The following FAAH2 variants were observed in gnomAD, a reference collection of about 807,000 sequenced individuals.
The protein encoded by FAAH2 is fatty-acid amide hydrolase 2.
Under a neutral mutation model 36.9 loss-of-function variants are expected in FAAH2, and 60 were observed. That is an observed-to-expected ratio of 1.63 (90% confidence interval 1.32 to 2.02). The LOEUF is 2.02. Among genes scored for constraint, FAAH2 ranks in the 30% most tolerant of loss-of-function variants. The pLI, the probability that FAAH2 is intolerant of heterozygous loss-of-function variation, is 0.00. For missense variants in FAAH2, 689 were observed against 397.5 expected (o/e 1.73, Z -6.23); for synonymous variants, 214 against 143.8 (o/e 1.49, Z -3.49).
chrX:57,174,600 A>G, the FAAH2 span, among the ~76,000 whole-genome samples: 2 of 110,410 alleles, frequency 1.8e-5, no homozygotes, highest in African/African-American at 6.6e-5. Flanking sequence ...TCTGATCTTC[A>G]TTTCCTTTCT....
the FAAH2 span, among the ~76,000 whole-genome samples, chrX:57,261,496 TG>T: frequency 1.1e-5 from 1 of 90,150 alleles, no homozygotes; most frequent in East Asian, 3.3e-4. Flanking sequence ...GAGGTTGCAG[TG>T]AGCAGAGACT....
At chrX:57,297,478 G>A (rs1382622191) in intron 2 of FAAH2, among the ~76,000 whole-genome samples, 3 of 104,755 alleles carry the variant, frequency 2.9e-5, no homozygotes, top group Admixed American at 1.1e-4. Flanking sequence ...AGGAACAACC[G>A]ATACCAGCCA....
At chrX:57,298,974 C>A (rs1246993316) in intron 2 of FAAH2, among the ~76,000 whole-genome samples, 1 of 111,159 alleles carries the variant, frequency 9.0e-6, no homozygotes, top group African/African-American at 3.3e-5. Context: ...AGCCTACCAA[C>A]CAAAAAAAGT....
At chrX:57,408,047 A>G (rs1336824818) in intron 7 of FAAH2, among the ~76,000 whole-genome samples, 6 of 111,264 alleles carry the variant, frequency 5.4e-5, no homozygotes, top group African/African-American at 2.0e-4. Flanking sequence ...TTTGATTACT[A>G]TAGCTTTGTA....
At chrX:57,278,515 C>T in the FAAH2 span, among the ~76,000 whole-genome samples, 81 of 111,400 alleles carry the variant, frequency 7.3e-4, no homozygotes, top group African/African-American at 2.6e-3. Flanking sequence ...AGGATAGAGA[C>T]ATGGGCAAGG....
chrX:57,230,175 C>T, the FAAH2 span, among the ~76,000 whole-genome samples: 2 of 112,169 alleles, frequency 1.8e-5, no homozygotes, highest in Non-Finnish European at 3.8e-5. Flanking sequence ...GGTATAACTT[C>T]TTTTCCACCC....
intron 8 of FAAH2, among the ~76,000 whole-genome samples, chrX:57,433,166 T>A (rs1166036179): frequency 1.8e-5 from 2 of 111,468 alleles, no homozygotes; most frequent in African/African-American, 6.5e-5. Context: ...TATTTTCAGT[T>A]CACTTCCAGA....
At chrX:57,387,208 A>G (rs200858973) in intron 7 of FAAH2, among the ~76,000 whole-genome samples, 1 of 111,854 alleles carries the variant, frequency 8.9e-6, no homozygotes, top group East Asian at 2.8e-4. Context: ...TCTCTTTAAA[A>G]TATAAAGTTA....
At chrX:57,192,434 C>T in the FAAH2 span, among the ~76,000 whole-genome samples, 1 of 110,793 alleles carries the variant, frequency 9.0e-6, no homozygotes, top group Non-Finnish European at 1.9e-5. Flanking sequence ...ATTTGGATGC[C>T]CTTTATTACT....
intron 7 of FAAH2, among the ~76,000 whole-genome samples, chrX:57,417,350 T>C (rs2055871511): frequency 8.9e-6 from 1 of 112,369 alleles, no homozygotes; most frequent in African/African-American, 3.2e-5. Flanking sequence ...TGTTTTTTCC[T>C]CATCATCATG....
chrX:57,465,124 A>T (rs755537262), intron 10 of FAAH2, among the ~76,000 whole-genome samples: 1 of 111,853 alleles, frequency 8.9e-6, no homozygotes, highest in Non-Finnish European at 1.9e-5. Context: ...AGAGGAGCTC[A>T]ACATTATGTT....
At chrX:57,435,352 T>C (rs933219555) in intron 8 of FAAH2, among the ~76,000 whole-genome samples, 3 of 111,124 alleles carry the variant, frequency 2.7e-5, no homozygotes, top group Admixed American at 9.6e-5. Context: ...TGTATAAATG[T>C]TAACCTTGAA....
chrX:57,196,317 G>A, the FAAH2 span, among the ~76,000 whole-genome samples: 1 of 111,665 alleles, frequency 9.0e-6, no homozygotes, highest in Non-Finnish European at 1.9e-5. Flanking sequence ...TATTTATTTT[G>A]GAGCTATTGT....
At chrX:57,179,837 C>T in the FAAH2 span, among the ~76,000 whole-genome samples, 29 of 111,690 alleles carry the variant, frequency 2.6e-4, no homozygotes, top group Non-Finnish European at 5.5e-4. Flanking sequence ...TGCCACATGG[C>T]ACATACTCTA....
intron 7 of FAAH2, chrX:57,393,814 G>T: frequency 1.1e-6 from 1 of 869,668 alleles, no homozygotes; most frequent in Non-Finnish European, 1.7e-6. Flanking sequence ...GTCCAATCGT[G>T]ATCTTCCTCA....
At chrX:57,425,666 G>A (rs1259096648) in intron 7 of FAAH2, among the ~76,000 whole-genome samples, 4 of 111,597 alleles carry the variant, frequency 3.6e-5, no homozygotes, top group Non-Finnish European at 5.7e-5. Context: ...CAAATGCTGA[G>A]TGAATTTATC....
chrX:57,409,290 T>C (rs752561618), intron 7 of FAAH2, among the ~76,000 whole-genome samples: 3 of 111,657 alleles, frequency 2.7e-5, no homozygotes, highest in Non-Finnish European at 5.7e-5. Flanking sequence ...TTTAACATGG[T>C]TGAATTAGGT....
chrX:57,165,464 C>T, the FAAH2 span, among the ~76,000 whole-genome samples: 2 of 110,082 alleles, frequency 1.8e-5, no homozygotes, highest in Non-Finnish European at 3.8e-5. Context: ...ACCGCATATT[C>T]TCACTCATAG....
the FAAH2 span, among the ~76,000 whole-genome samples, chrX:57,157,934 G>A: frequency 2.7e-5 from 3 of 110,150 alleles, no homozygotes; most frequent in South Asian, 1.2e-3. Flanking sequence ...GTGCCATGTT[G>A]GTGTGCTGCA....
Sources: allele counts gnomAD v4.1 joint callset (sites outside exome capture counted in the v4.1 genomes callset), GRCh38; gene constraint gnomAD v4.1.1; transcripts MANE v1.5; gene names NCBI Gene and HGNC (gene_info 2026-07-23, HGNC 2026-07-21).